Variants in CUL7 observed in about 807,000 individuals in gnomAD.
CUL7 encodes the protein cullin 7, also known as cullin-7.
A neutral mutation model predicts 177.7 loss-of-function variants in CUL7; 96 were observed. The ratio of observed to expected loss-of-function variants is 0.54; its 90% CI spans 0.46 to 0.64. The LOEUF (loss-of-function observed/expected upper bound fraction) is 0.64. Ranked by LOEUF, CUL7 falls within the 30% of genes least tolerant of loss-of-function variation. CUL7 has a pLI of 0.00. For synonymous variants in CUL7, 824 were observed against 890.2 expected (o/e 0.93, Z 1.32); for missense variants, 1,893 against 2,187.9 (o/e 0.87, Z 2.69).
rs888936746 is a variant in CUL7 at position 43,050,285 on chromosome 6, T to A, written c.1347A>T (p.Ala449=). 6.2e-7 allele frequency: 1 copy of A among 1,614,078 alleles called. No homozygotes were observed. The highest frequency in any genetic ancestry group is 1.3e-5 in the African/African-American group (1 of 74,930). The change falls in exon 5 of 26, where the codon GCA becomes GCT. Residue 449 remains alanine (A), a synonymous_variant. Transcript: ENST00000265348. This position sits in a 1 kb window ranked among gnomAD's most constrained non-coding sequence, Gnocchi z 4.1. ...DMVEADEYQG[A]VASRVLGRAL... is the part of the protein sequence containing the mutation. ...CTCTACCCAGGACTCTACTGGCCAC[T>A]GCCCCTTGGTACTCATCAGCCTCAA...
rs150895768 is a variant in CUL7 at position 43,051,103 on chromosome 6, G to A, written c.1098C>T (p.Gly366=). 1.9e-6 allele frequency: 3 copies of A among 1,614,072 alleles called. No individual in the cohort carries two copies. The highest frequency in any genetic ancestry group is 1.3e-5 in the African/African-American group (1 of 74,920). ...CCCGCACATACAAAGCATAGGTATT[G>A]CCACTTGCGAACTCAGAACGAGGGC... is the stretch of plus-strand genomic sequence containing the variant. The part of the protein sequence containing the change: ...RFRPRSEFAS[G]NTYALYVRDT... The change falls in exon 4 of 26, where the codon GGC becomes GGT. Residue 366 remains glycine, a synonymous_variant. Coordinates refer to ENST00000265348, the MANE Select transcript of CUL7 (RefSeq NM_014780.5). The surrounding 1 kb of genome is among the most constrained non-coding windows in gnomAD (Gnocchi z 5.0).
In CUL7 at chr6:43,052,051, C is replaced by T. The variant is rs555442433; in HGVS notation, c.580+158G>A. 571 of 1,388,548 alleles carry T rather than the reference C, an allele frequency of 4.1e-4. 5 individuals are homozygous for T. Among genetic ancestry groups the T allele is most frequent in the South Asian group, 2.8e-3 (208 of 74,454 alleles). 86.0% of individuals were successfully genotyped at this position (1,388,548 alleles called of 1,614,324 possible). The stretch of plus-strand genomic sequence containing the variant: ...TTTTGGCAGATAACCCCCACCCTCA[C>T]TCCCATGCCCACCTCCTTTTCTTCC... On this transcript the variant is annotated intron_variant, in intron 2 of 25. Transcript: ENST00000265348. This position sits in a 1 kb window ranked among gnomAD's most constrained non-coding sequence, Gnocchi z 4.5.
chr6:43,053,485 G>T lies in CUL7; in HGVS notation c.-9+137C>A. 1.8e-6 allele frequency: 1 copy of T among 551,898 alleles called. No homozygotes were observed. Among genetic ancestry groups the T allele is most frequent in the Non-Finnish European group, 2.9e-6 (1 of 347,520 alleles). The allele number at this position is 551,898 out of a possible 1,614,324, so 34.2% of individuals were successfully genotyped here. A position where few individuals can be genotyped will look rare whatever the true frequency, so the allele number is the denominator to read the frequency against. ...GAAGCCAGGGGCGCGCGGTAAGGTG[G>T]GGGAGAGGGGATTAGGCCCCATAAG... On this transcript the variant is annotated intron_variant, in intron 1 of 25. Transcript: ENST00000265348. The surrounding 1 kb of genome is among the most constrained non-coding windows in gnomAD (Gnocchi z 4.1).
At chr6:43,048,086 G>T in intron 9 of CUL7, 62 bp downstream of exon 9, 1 of 1,054,500 alleles carries the variant, frequency 9.5e-7, no homozygotes, top group Non-Finnish European at 1.4e-6. Flanking sequence ...CAGCAGGTGT[G>T]CCTTGCCAGT....
rs1452787291 is a variant in CUL7, at chr6:43,051,588, C to T, written c.732+24G>A. Reference sequence around the variant, plus strand: ...CCTAGATCTTGTTCACAAGTTCCCCCCACCTTACACCCCCAAAGGTTACCT... The same window carrying T: ...CCTAGATCTTGTTCACAAGTTCCCCTCACCTTACACCCCCAAAGGTTACCT... On this transcript the variant is annotated intron_variant, in intron 3 of 25. Transcript: ENST00000265348. This position sits in a 1 kb window ranked among gnomAD's most constrained non-coding sequence, Gnocchi z 5.0. The T allele has an allele frequency of 1.2e-6, 2 of 1,614,122 alleles. No homozygotes were observed. Among genetic ancestry groups the T allele is most frequent in the East Asian group, 2.2e-5 (1 of 44,878 alleles).
chr6:43,053,668 G>A lies in CUL7; in HGVS notation c.-55C>T, dbSNP rs2150340737. The A allele has an allele frequency of 7.1e-7, 1 of 1,408,300 alleles. No individual in the cohort carries two copies. Among genetic ancestry groups the A allele is most frequent in the East Asian group, 2.8e-5 (1 of 36,072 alleles). The allele number at this position is 1,408,300 out of a possible 1,614,324, so 87.2% of individuals were successfully genotyped here. ...TGGCGCGAGGCCTGTCCTTCACAGAGCAAGGGACGCGGCACAGACGCTGGC... is the reference window on the plus strand; with the variant it reads ...TGGCGCGAGGCCTGTCCTTCACAGAACAAGGGACGCGGCACAGACGCTGGC... On this transcript the variant is annotated 5_prime_UTR_variant, in exon 1 of 26. Transcript: ENST00000265348. This position sits in a 1 kb window ranked among gnomAD's most constrained non-coding sequence, Gnocchi z 4.1.
In CUL7 at chr6:43,040,759, C is replaced by A. The variant is rs530341369; in HGVS notation, c.3807-13G>T. 2 of 1,613,108 alleles carry A rather than the reference C, an allele frequency of 1.2e-6. No individual in the cohort carries two copies. Among genetic ancestry groups the A allele is most frequent in the South Asian group, 1.1e-5 (1 of 91,078 alleles). ...CGCCATGTAGTGCCTGCAGTGCATG[C>A]AGCCCGGGCCAAGCCTCAGTGTGGG... is the stretch of plus-strand genomic sequence containing the variant. On this transcript the variant is annotated splice_polypyrimidine_tract_variant and intron_variant, in intron 20 of 25. Coordinates refer to ENST00000265348, the MANE Select transcript of CUL7 (RefSeq NM_014780.5). The surrounding 1 kb of genome is among the most constrained non-coding windows in gnomAD (Gnocchi z 4.2).
At position 43,045,912 on chromosome 6, in the gene CUL7, G is replaced by T; in HGVS notation, c.2766+74C>A. 1 of 1,289,130 alleles carries T rather than the reference G, an allele frequency of 7.8e-7. No homozygotes were observed. 79.9% of individuals were successfully genotyped at this position (1,289,130 alleles called of 1,614,324 possible). A position where few individuals can be genotyped will look rare whatever the true frequency, so the allele number is the denominator to read the frequency against. On this transcript the variant is annotated intron_variant, in intron 13 of 25. Transcript: ENST00000265348. This position sits in a 1 kb window ranked among gnomAD's most constrained non-coding sequence, Gnocchi z 4.8. ...ACAGGTGGGAGTTAGAAAAAAGTAG[G>T]ATAGGGCCAGATAGAAGCAGGAGGG...
rs1371613027 is a variant in CUL7 at position 43,050,093 on chromosome 6, T to C, written c.1439A>G (p.Asp480Gly). 1 of 1,614,016 alleles carries C rather than the reference T, an allele frequency of 6.2e-7. No individual in the cohort carries two copies. The highest frequency in any genetic ancestry group is 8.5e-7 in the Non-Finnish European group (1 of 1,180,028). ...LYAVPYVLPE[D>G]EDTEECEHLT... Reference sequence around the variant, plus strand: ...GTGTTCACACTCCTCAGTGTCCTCATCCTCAGGCAGCACATAAGGCACAGC... The same window carrying C: ...GTGTTCACACTCCTCAGTGTCCTCACCCTCAGGCAGCACATAAGGCACAGC... Residue 480 changes from aspartate to glycine, a missense_variant, in exon 6 of 26, where the codon GAT becomes GGT. Physicochemically the swap from Asp to Gly is moderately conservative, Grantham distance 94 (BLOSUM62 -1). Transcript: ENST00000265348. The surrounding 1 kb of genome is among the most constrained non-coding windows in gnomAD (Gnocchi z 4.1).
chr6:43,046,562 G>A lies in CUL7; in HGVS notation c.2437C>T (p.Gln813Ter), dbSNP rs752858285. ...GQIEDHRRTH[Q>*]PINIPFFDVF... is the part of the protein sequence containing the mutation. ...TCAAAGAAAGGGATGTTGATGGGTT[G>A]GTGGGTTCGTCTGTGGTCTTCGATC... Residue 813 changes from glutamine to a stop codon, truncating the protein, a stop_gained, in exon 11 of 26, where the codon CAA becomes TAA. Transcript: ENST00000265348. LOFTEE classifies it high-confidence loss of function. 14 of 1,614,090 alleles carry A rather than the reference G, an allele frequency of 8.7e-6. No individual in the cohort carries two copies. Among genetic ancestry groups the A allele is most frequent in the East Asian group, 2.2e-5 (1 of 44,888 alleles).
chr6:43,053,555 G>C lies in CUL7; in HGVS notation c.-9+67C>G. Reference sequence around the variant, plus strand: ...TAGGATGGGGACCGAGGTTGGGTGAGCGCGAGGCTCGATGGGCTAGTGGGC... The same window carrying C: ...TAGGATGGGGACCGAGGTTGGGTGACCGCGAGGCTCGATGGGCTAGTGGGC... On this transcript the variant is annotated intron_variant, in intron 1 of 25. Coordinates refer to ENST00000265348, the MANE Select transcript of CUL7 (RefSeq NM_014780.5). The surrounding 1 kb of genome is among the most constrained non-coding windows in gnomAD (Gnocchi z 4.1). The C allele has an allele frequency of 8.9e-7, 1 of 1,125,924 alleles. No individual in the cohort carries two copies. Among genetic ancestry groups the C allele is most frequent in the South Asian group, 2.3e-5 (1 of 44,310 alleles). The allele number at this position is 1,125,924 out of a possible 1,614,324, so 69.7% of individuals were successfully genotyped here.
chr6:43,051,997 T>C lies in CUL7; in HGVS notation c.580+212A>G. 1 of 968,514 alleles carries C rather than the reference T, an allele frequency of 1.0e-6. No individual in the cohort carries two copies. The highest frequency in any genetic ancestry group is 1.5e-6 in the Non-Finnish European group (1 of 658,896). 60.0% of individuals were successfully genotyped at this position (968,514 alleles called of 1,614,324 possible). On this transcript the variant is annotated intron_variant, in intron 2 of 25. Coordinates refer to ENST00000265348, the MANE Select transcript of CUL7 (RefSeq NM_014780.5). This position sits in a 1 kb window ranked among gnomAD's most constrained non-coding sequence, Gnocchi z 5.0. ...CTTTGCATAAAAAGCAACTAATTAA[T>C]ATGAGGTTCTTGAAGATAGTCTTTC...
chr6:43,045,903 A>G lies in CUL7; in HGVS notation c.2766+83T>C. The G allele has an allele frequency of 3.2e-6, 4 of 1,255,956 alleles. No individual in the cohort carries two copies. Among genetic ancestry groups the G allele is most frequent in the Middle Eastern group, 1.8e-4 (1 of 5,422 alleles). 77.8% of individuals were successfully genotyped at this position (1,255,956 alleles called of 1,614,324 possible). On this transcript the variant is annotated intron_variant, in intron 13 of 25. Coordinates refer to ENST00000265348, the MANE Select transcript of CUL7 (RefSeq NM_014780.5). The surrounding 1 kb of genome is among the most constrained non-coding windows in gnomAD (Gnocchi z 4.8). ...GGGCTCAAGACAGGTGGGAGTTAGA[A>G]AAAAGTAGGATAGGGCCAGATAGAA...
rs1424527804 is a variant in CUL7, at chr6:43,042,964, T to G, written c.3483A>C (p.Ser1161=). 5.6e-6 allele frequency: 9 copies of G among 1,613,994 alleles called. No homozygotes were observed. The highest frequency in any genetic ancestry group is 7.6e-6 in the Non-Finnish European group (9 of 1,179,998). ...VEKQVNNFLT[S]SWRDDDFVPR... ...GCACAAAGTCATCATCCCGCCAGGA[T>G]GAGGTCAGAAAATTGTTCACCTGGA... is the stretch of plus-strand genomic sequence containing the variant. Residue 1161 remains serine, a synonymous_variant, in exon 19 of 26, where the codon TCA becomes TCC. Transcript: ENST00000265348.
chr6:43,040,563 G>A lies in CUL7; in HGVS notation c.3990C>T (p.Leu1330=), dbSNP rs1289879511. 1.2e-6 allele frequency: 2 copies of A among 1,614,066 alleles called. No homozygotes were observed. Among genetic ancestry groups the A allele is most frequent in the Non-Finnish European group, 1.7e-6 (2 of 1,180,038 alleles). Residue 1330 remains leucine, a synonymous_variant, in exon 21 of 26, where the codon CTC becomes CTT. Transcript: ENST00000265348. The surrounding 1 kb of genome is among the most constrained non-coding windows in gnomAD (Gnocchi z 4.2). ...TCTTCTCTGTATCCTCCAGCTTCAG[G>A]AGTTCCTGATCCAGCTGCTGGAGCT... is the stretch of plus-strand genomic sequence containing the variant. ...VYQLQQLDQE[L]LKLEDTEKKI... is the part of the protein sequence containing the mutation.
In CUL7 at chr6:43,045,666, G is replaced by A; in HGVS notation, c.2783C>T (p.Ser928Phe). The stretch of plus-strand genomic sequence containing the variant: ...CTCCAGGAGGATCACCCGGCTGGCA[G>A]AGGGCATCACATTCACCTGGCAGGG... ...TELNSVNVMP[S>F]ASRVILLENL... The change falls in exon 14 of 26, where the codon TCT becomes TTT. Residue 928 changes from serine to phenylalanine, a missense_variant. Physicochemically the swap from Ser to Phe is radical, Grantham distance 155. Transcript: ENST00000265348. The surrounding 1 kb of genome is among the most constrained non-coding windows in gnomAD (Gnocchi z 4.8). 6.2e-7 allele frequency: 1 copy of A among 1,614,230 alleles called. No individual in the cohort carries two copies.
rs563994646 is a variant in CUL7 at position 43,046,047 on chromosome 6, G to C, written c.2705C>G (p.Pro902Arg). 3 of 1,614,160 alleles carry C rather than the reference G, an allele frequency of 1.9e-6. No individual in the cohort carries two copies. Among genetic ancestry groups the C allele is most frequent in the Non-Finnish European group, 2.5e-6 (3 of 1,180,034 alleles). The part of the protein sequence containing the change: ...LVASEDSSYM[P>R]ARVVVCGGDS... ...ACCCCCGCACACCACCACTCGGGCC[G>C]GCATGTAACTCGAGTCCTCACTAGC... The change falls in exon 13 of 26, where the codon CCG becomes CGG. Residue 902 changes from proline (P) to arginine (R), a missense_variant. This residue lies in a region of CUL7 where 973 missense variants were observed against 1,140.9 expected (regional missense o/e 0.85). Coordinates refer to ENST00000265348, the MANE Select transcript of CUL7 (RefSeq NM_014780.5).
rs1764124285 is a variant in CUL7 at position 43,048,534 on chromosome 6, G to C, written c.1861C>G (p.Leu621Val). The change falls in exon 8 of 26, where the codon CTG (leucine) becomes GTG (valine). Residue 621 changes from leucine (L) to valine (V), a missense_variant. Leu to Val is a conservative substitution (Grantham distance 32, BLOSUM62 1). Around this residue, in one of 5 missense-constraint regions of CUL7, gnomAD observed 973 missense variants for 1,140.9 expected, o/e 0.85. Transcript: ENST00000265348. ...EPPSQSPNTP[L>V]QRLVEGYGPA... ...CCATAACCCTCCACCAGACGCTGCA[G>C]GGGAGTGTTGGGACTCTGAGATGGG... 6.2e-7 allele frequency: 1 copy of C among 1,614,038 alleles called. No individual in the cohort carries two copies. The highest frequency in any genetic ancestry group is 1.1e-5 in the South Asian group (1 of 91,078).
Position 43,045,400 on chromosome 6 carries a change from A to G in CUL7, c.2865T>C (p.Gly955=), listed in dbSNP as rs751817397. The G allele has an allele frequency of 5.6e-6, 9 of 1,614,040 alleles. No homozygotes were observed. In the African/African-American group the frequency reaches 8.0e-5, roughly 14 times the overall value. ...IQIRIKRCQQ[G]GIDTRIRGLE... Reference sequence around the variant, plus strand: ...ACCCCCGAATGCGCGTATCAATGCCACCCTGAAACACACACAGGACTATCT... The same window carrying G: ...ACCCCCGAATGCGCGTATCAATGCCGCCCTGAAACACACACAGGACTATCT... The change falls in exon 15 of 26, where the codon GGT becomes GGC. Residue 955 remains glycine (G), a splice_region_variant and synonymous_variant. Coordinates refer to ENST00000265348, the MANE Select transcript of CUL7 (RefSeq NM_014780.5). The surrounding 1 kb of genome is among the most constrained non-coding windows in gnomAD (Gnocchi z 4.8).
Sources: gnomAD v4.1 joint callset for allele counts on GRCh38, gnomAD v4.1.1 for gene constraint, gnomAD v4.1.1 regional missense constraint, Gnocchi (gnomAD v3.1) non-coding constraint, MANE v1.5 for transcripts, NCBI Gene and HGNC (gene_info 2026-07-23, HGNC 2026-07-21) for gene names.